Variants in FTCDNL1 observed in about 807,000 individuals in gnomAD.
FTCDNL1 encodes formiminotransferase cyclodeaminase N-terminal like.
Under a neutral mutation model 5.9 loss-of-function variants are expected in FTCDNL1, and 11 were observed. That is an observed-to-expected ratio of 1.87 (90% confidence interval 1.18 to 3.10). FTCDNL1 has a LOEUF of 3.10. FTCDNL1 is among the 30% of genes most tolerant of loss of function. The probability of loss-of-function intolerance (pLI) is 0.00; values close to 1 mark genes in which losing one functional copy is unlikely to be tolerated. For missense variants in FTCDNL1, 115 were observed against 65.5 expected (o/e 1.76, Z -2.61); for synonymous variants, 58 against 24.8 (o/e 2.34, Z -3.99).
chr2:199,796,707 A>G (rs1444617009), intron 3 of FTCDNL1, among the ~76,000 whole-genome samples: 5 of 152,146 alleles, frequency 3.3e-5, no homozygotes, highest in African/African-American at 1.2e-4. Context: ...TCAATGGCAA[A>G]TTTACTCATA....
chr2:199,815,114 G>A (rs984052480), intron 4 of FTCDNL1, among the ~76,000 whole-genome samples: 7 of 152,128 alleles, frequency 4.6e-5, no homozygotes, highest in African/African-American at 1.7e-4. Flanking sequence ...AAATGTTTAG[G>A]ATTTTAAATA....
At chr2:199,826,949 A>T (rs1437078325) in intron 3 of FTCDNL1, among the ~76,000 whole-genome samples, 1 of 152,326 alleles carries the variant, frequency 6.6e-6, no homozygotes, top group East Asian at 1.9e-4. Context: ...GAAAATCACA[A>T]TTTTTCAGCA....
At chr2:199,837,687 C>T (rs532616299) in intron 3 of FTCDNL1, among the ~76,000 whole-genome samples, 2 of 152,208 alleles carry the variant, frequency 1.3e-5, no homozygotes, top group South Asian at 4.1e-4. Context: ...ATCTACAAGG[C>T]TGATCATTCT....
chr2:199,837,341 A>C (rs1222415380), intron 3 of FTCDNL1, among the ~76,000 whole-genome samples: 1 of 152,210 alleles, frequency 6.6e-6, no homozygotes, highest in Non-Finnish European at 1.5e-5. Flanking sequence ...TATGCCCTAA[A>C]TATGTTTACA....
chr2:199,706,231 T>C, the FTCDNL1 span, among the ~76,000 whole-genome samples: 1 of 152,146 alleles, frequency 6.6e-6, no homozygotes, highest in South Asian at 2.1e-4. Flanking sequence ...CTTTGCTATG[T>C]CATCTGGTAA....
chr2:199,714,955 AG>A, the FTCDNL1 span, among the ~76,000 whole-genome samples: 5 of 109,062 alleles, frequency 4.6e-5, no homozygotes, highest in Admixed American at 9.6e-5. Flanking sequence ...GGGTGGAGGG[AG>A]GGGGGAGGGA....
At chr2:199,801,030 G>T (rs1350973732) in intron 3 of FTCDNL1, among the ~76,000 whole-genome samples, 1 of 152,108 alleles carries the variant, frequency 6.6e-6, no homozygotes, top group Non-Finnish European at 1.5e-5. Flanking sequence ...TTAGCTTCTG[G>T]CTCCATAGCT....
At chr2:199,678,599 A>C in the FTCDNL1 span, among the ~76,000 whole-genome samples, 2 of 152,170 alleles carry the variant, frequency 1.3e-5, no homozygotes, top group South Asian at 4.1e-4. Context: ...GGTTGTAAAA[A>C]ATATTTATAT....
intron 3 of FTCDNL1, among the ~76,000 whole-genome samples, chr2:199,779,049 C>T (rs1699229838): frequency 6.6e-6 from 1 of 152,136 alleles, no homozygotes; most frequent in African/African-American, 2.4e-5. Flanking sequence ...ATGTACCTCT[C>T]CAAGTTCTGA....
At chr2:199,799,007 G>C (rs912181348) in intron 3 of FTCDNL1, among the ~76,000 whole-genome samples, 5 of 152,210 alleles carry the variant, frequency 3.3e-5, no homozygotes, top group Non-Finnish European at 1.5e-5. Context: ...GGAAAGAAGA[G>C]AGATATTTGT....
intron 3 of FTCDNL1, among the ~76,000 whole-genome samples, chr2:199,772,108 A>C (rs1003695531): frequency 1.3e-5 from 2 of 152,242 alleles, no homozygotes; most frequent in African/African-American, 2.4e-5. Context: ...TGTGAGAGTC[A>C]ATCTGATAAC....
At chr2:199,715,176 CAAGA>C in the FTCDNL1 span, among the ~76,000 whole-genome samples, 4 of 151,592 alleles carry the variant, frequency 2.6e-5, no homozygotes, top group Non-Finnish European at 5.9e-5. Context: ...GTAATTCAAG[CAAGA>C]AATACATTTC....
intron 3 of FTCDNL1, among the ~76,000 whole-genome samples, chr2:199,762,345 C>T (rs769027285): frequency 6.6e-6 from 1 of 152,158 alleles, no homozygotes; most frequent in African/African-American, 2.4e-5. Flanking sequence ...CACCATTGCA[C>T]TCCAGCCTGG....
At chr2:199,787,787 C>A (rs1699734814) in intron 3 of FTCDNL1, among the ~76,000 whole-genome samples, 1 of 152,114 alleles carries the variant, frequency 6.6e-6, no homozygotes, top group African/African-American at 2.4e-5. Flanking sequence ...GAGTCAATGG[C>A]ATCTTAGATT....
At chr2:199,665,443 C>A in the FTCDNL1 span, among the ~76,000 whole-genome samples, 3 of 151,884 alleles carry the variant, frequency 2.0e-5, no homozygotes, top group Admixed American at 6.6e-5. Flanking sequence ...ACCAGCCTGG[C>A]CAATGTGGTG....
chr2:199,780,053 C>T (rs770656539), intron 3 of FTCDNL1, among the ~76,000 whole-genome samples: 1 of 152,134 alleles, frequency 6.6e-6, no homozygotes, highest in Non-Finnish European at 1.5e-5. Flanking sequence ...CATGGAGTTC[C>T]CTGGAGAACA....
intron 4 of FTCDNL1, among the ~76,000 whole-genome samples, chr2:199,813,932 A>AAC (rs1701194199): frequency 1.3e-5 from 1 of 74,412 alleles, no homozygotes; most frequent in African/African-American, 4.6e-5. Flanking sequence ...AAAAAAAAAA[A>AAC]AAAAAAAAAA....
the FTCDNL1 span, among the ~76,000 whole-genome samples, chr2:199,720,294 G>C: frequency 6.6e-6 from 1 of 152,110 alleles, no homozygotes; most frequent in Non-Finnish European, 1.5e-5. Context: ...CTGTTCTTTA[G>C]TTCTTGACTC....
the FTCDNL1 span, among the ~76,000 whole-genome samples, chr2:199,713,607 A>G: frequency 3.9e-5 from 6 of 152,328 alleles, no homozygotes; most frequent in South Asian, 8.3e-4. Context: ...TTTAATCCAT[A>G]AAACTGATAT....
Sources: allele counts gnomAD v4.1 joint callset (sites outside exome capture counted in the v4.1 genomes callset), GRCh38; gene constraint gnomAD v4.1.1; transcripts MANE v1.5; gene names NCBI Gene and HGNC (gene_info 2026-07-23, HGNC 2026-07-21).